The following TMEM132D variants were observed in gnomAD, a reference collection of about 807,000 sequenced individuals.
TMEM132D encodes the protein transmembrane protein 132D.
In TMEM132D, 21 loss-of-function variants were observed where a neutral mutation model predicts 62.3. That is an observed-to-expected ratio of 0.34 (90% CI 0.24 to 0.49). TMEM132D has a LOEUF of 0.49. Ranked by LOEUF, TMEM132D falls within the 20% of genes least tolerant of loss-of-function variation. TMEM132D has a pLI of 0.99. For synonymous variants in TMEM132D, 621 were observed against 575.6 expected, an observed-to-expected ratio of 1.08 and a Z score of -1.13; for missense variants, 1,346 against 1,402.8, an observed-to-expected ratio of 0.96 and a Z score of 0.65.
chr12:129,471,289 C>T (rs535751854), intron 3 of TMEM132D, among the ~76,000 whole-genome samples: 268 of 151,284 alleles, frequency 1.8e-3, no homozygotes, highest in African/African-American at 6.3e-3. Context: ...TTCCCAGCAA[C>T]ATGTGCTCAC....
chr12:129,112,639 G>A (rs952605217), intron 5 of TMEM132D, among the ~76,000 whole-genome samples: 1 of 152,070 alleles, frequency 6.6e-6, no homozygotes, highest in East Asian at 1.9e-4. Flanking sequence ...CTCCAGCCTG[G>A]CCAACAAAAG....
chr12:129,644,378 C>T lies in TMEM132D; in HGVS notation c.968+55432G>A, dbSNP rs150435088. ...CTCTGAGCAGGCTTCCTTTGCTCCA[C>T]GTACATATTTCCATGACAGCCTCAC... On this transcript the variant is annotated intron_variant, in intron 2 of 8. Coordinates refer to ENST00000422113, the MANE Select transcript of TMEM132D (RefSeq NM_133448.3). Among the ~76,000 whole-genome samples, 211 of 152,270 alleles carry T rather than the reference C, an allele frequency of 1.4e-3. 2 individuals are homozygous for T. The South Asian group carries it at 0.041, about 30-fold the overall frequency.
intron 4 of TMEM132D, among the ~76,000 whole-genome samples, chr12:129,334,178 C>A (rs933762800): frequency 1.3e-5 from 2 of 152,052 alleles, no homozygotes; most frequent in Non-Finnish European, 2.9e-5. Context: ...CCTTAACTGC[C>A]TTTTAAATAA....
At position 129,074,756 on chromosome 12, in the gene TMEM132D, T is replaced by G; in HGVS notation, c.2419A>C (p.Ser807Arg). The change falls in exon 9 of 9, where the codon AGT becomes CGT. Residue 807 changes from serine (S) to arginine (R), a missense_variant. Transcript: ENST00000422113. ...FGQNDANPNT[S>R]DSRHTGAGVH... is the part of the protein sequence containing the mutation. ...CCTGCCCCTGTGTGTCTGCTGTCAC[T>G]GGTGTTGGGGTTAGCATCGTTTTGG... 1.2e-6 allele frequency: 2 copies of G among 1,614,174 alleles called. No individual in the cohort carries two copies. The highest frequency in any genetic ancestry group is 1.7e-6 in the Non-Finnish European group (2 of 1,180,032).
chr12:129,074,437 A>G lies in TMEM132D; in HGVS notation c.2738T>C (p.Leu913Pro), dbSNP rs1224723465. The change falls in exon 9 of 9, where the codon CTG (leucine) becomes CCG (proline). Residue 913 changes from leucine (L) to proline (P), a missense_variant. Physicochemically the swap from Leu to Pro is moderately conservative, Grantham distance 98 (BLOSUM62 -3). Coordinates refer to ENST00000422113, the MANE Select transcript of TMEM132D (RefSeq NM_133448.3). ...ATACATCCCAATTTCTAAGTCGCTC[A>G]GCCCTTTGGATGCCTGCATAAGGTC... ...GNDLMQASKG[L>P]SDLEIGMYAL... 6.2e-7 allele frequency: 1 copy of G among 1,614,186 alleles called. No homozygotes were observed. The highest frequency in any genetic ancestry group is 1.3e-5 in the African/African-American group (1 of 75,054).
intron 4 of TMEM132D, among the ~76,000 whole-genome samples, chr12:129,270,107 G>A (rs571486307): frequency 4.6e-5 from 7 of 152,300 alleles, no homozygotes; most frequent in South Asian, 2.1e-4. Context: ...GTCAAGTCTC[G>A]ATTCCTTCCT....
chr12:129,694,701 C>T (rs1283119055), intron 2 of TMEM132D, among the ~76,000 whole-genome samples: 5 of 152,170 alleles, frequency 3.3e-5, no homozygotes, highest in Non-Finnish European at 7.3e-5. Context: ...CATCACTTTA[C>T]TTTTTTGGTC....
intron 3 of TMEM132D, among the ~76,000 whole-genome samples, chr12:129,489,940 G>A (rs1874712742): frequency 6.6e-6 from 1 of 152,206 alleles, no homozygotes; most frequent in Non-Finnish European, 1.5e-5. Flanking sequence ...ATAACAGAGA[G>A]GAAGAGAGGG....
At chr12:129,699,383 G>C (rs1881316367) in intron 2 of TMEM132D, among the ~76,000 whole-genome samples, 1 of 152,286 alleles carries the variant, frequency 6.6e-6, no homozygotes, top group East Asian at 1.9e-4. Flanking sequence ...ATCTGGAATA[G>C]ATTTTGAGTT....
At chr12:129,224,278 C>T (rs1361343237) in intron 4 of TMEM132D, among the ~76,000 whole-genome samples, 1 of 152,142 alleles carries the variant, frequency 6.6e-6, no homozygotes, top group East Asian at 1.9e-4. Flanking sequence ...TTGCCATTTT[C>T]CCGGGGATCC....
intron 3 of TMEM132D, among the ~76,000 whole-genome samples, chr12:129,367,731 G>A (rs548664772): frequency 7.3e-5 from 11 of 150,268 alleles, no homozygotes; most frequent in African/African-American, 1.7e-4. Flanking sequence ...GATGTTTTTC[G>A]TTAGATAGAT....
intron 4 of TMEM132D, among the ~76,000 whole-genome samples, chr12:129,230,597 T>C (rs1286226420): frequency 6.6e-6 from 1 of 152,240 alleles, no homozygotes; most frequent in East Asian, 1.9e-4. Flanking sequence ...GAAGCCACAC[T>C]ACTGTGGAGA....
intron 5 of TMEM132D, among the ~76,000 whole-genome samples, chr12:129,139,843 T>TG (rs1297093568): frequency 6.6e-6 from 1 of 152,082 alleles, no homozygotes. Flanking sequence ...CCTGAGTAGC[T>TG]GGGACTACAG....
intron 4 of TMEM132D, among the ~76,000 whole-genome samples, chr12:129,292,624 T>C (rs1365375172): frequency 6.6e-6 from 1 of 152,210 alleles, no homozygotes; most frequent in Non-Finnish European, 1.5e-5. Flanking sequence ...TTATTGTTAA[T>C]ATAGATGAGT....
chr12:129,103,900 AC>A (rs1367436508), intron 5 of TMEM132D, among the ~76,000 whole-genome samples: 1 of 152,200 alleles, frequency 6.6e-6, no homozygotes, highest in Non-Finnish European at 1.5e-5. Context: ...GAGGATACAA[AC>A]AAATGGAAGA....
chr12:129,295,407 G>T (rs944092469), intron 4 of TMEM132D, among the ~76,000 whole-genome samples: 1 of 149,670 alleles, frequency 6.7e-6, no homozygotes, highest in African/African-American at 2.5e-5. Flanking sequence ...GGACTTCCCT[G>T]CCTCTGAAAT....
intron 5 of TMEM132D, among the ~76,000 whole-genome samples, chr12:129,152,672 G>A (rs935011471): frequency 6.6e-6 from 1 of 152,204 alleles, no homozygotes; most frequent in African/African-American, 2.4e-5. Context: ...GGAAGAGTCT[G>A]TGGGCCTGGG....
intron 5 of TMEM132D, among the ~76,000 whole-genome samples, chr12:129,150,970 C>T (rs1565979475): frequency 6.6e-6 from 1 of 152,204 alleles, no homozygotes; most frequent in Non-Finnish European, 1.5e-5. Context: ...CCCTGTTCCC[C>T]TGCCCTGAGT....
intron 2 of TMEM132D, among the ~76,000 whole-genome samples, chr12:129,635,201 T>C (rs539994816): frequency 7.6e-4 from 116 of 152,362 alleles, no homozygotes; most frequent in Non-Finnish European, 1.2e-3. Context: ...CATTTGCCTC[T>C]GAAAATGTTT....
Sources: gnomAD v4.1 joint callset for allele counts (sites outside exome capture counted in the v4.1 genomes callset) on GRCh38, gnomAD v4.1.1 for gene constraint, MANE v1.5 for transcripts, NCBI Gene and HGNC (gene_info 2026-07-23, HGNC 2026-07-21) for gene names.